The following VAV3 variants were observed in gnomAD, a reference collection of about 807,000 sequenced individuals.
VAV3 encodes the protein guanine nucleotide exchange factor VAV3.
VAV3 carries 94 observed loss-of-function variants against 131.2 expected under a neutral mutation model. That is an observed-to-expected ratio of 0.72 (90% CI 0.61 to 0.85). The LOEUF is 0.85. VAV3 is among the 40% of genes least tolerant of loss of function. The probability of loss-of-function intolerance (pLI) is 0.00; values close to 1 mark genes in which losing one functional copy is unlikely to be tolerated. For missense variants in VAV3, 939 were observed against 1,002.7 expected (o/e 0.94, Z 0.86); for synonymous variants, 349 against 342.0 (o/e 1.02, Z -0.22).
intron 15 of VAV3, among the ~76,000 whole-genome samples, chr1:107,728,177 CT>C: frequency 6.6e-6 from 1 of 152,298 alleles, no homozygotes; most frequent in South Asian, 2.1e-4. Flanking sequence ...CCCAAATCCA[CT>C]GGCTCCTGGA....
At chr1:107,841,377 T>TA (rs970470584) in intron 2 of VAV3, among the ~76,000 whole-genome samples, 1 of 152,036 alleles carries the variant, frequency 6.6e-6, no homozygotes, top group Non-Finnish European at 1.5e-5. Flanking sequence ...TAAAGCAATA[T>TA]AAAGGGCACA....
chr1:107,954,777 A>T (rs1324701390), intron 1 of VAV3, among the ~76,000 whole-genome samples: 1 of 139,412 alleles, frequency 7.2e-6, no homozygotes, highest in Non-Finnish European at 1.5e-5. Context: ...GAGGGGGGGA[A>T]ATTCATTGCA....
chr1:107,798,718 CAAAAAA>C (rs57288177), intron 2 of VAV3, among the ~76,000 whole-genome samples: 7 of 49,534 alleles, frequency 1.4e-4, no homozygotes, highest in Non-Finnish European at 2.1e-4. Context: ...GACTCCCTCT[CAAAAAA>C]AAAAAAAAAA....
chr1:107,799,553 A>G (rs2102297680), intron 2 of VAV3, among the ~76,000 whole-genome samples: 1 of 152,316 alleles, frequency 6.6e-6, no homozygotes, highest in East Asian at 1.9e-4. Flanking sequence ...TTTTTCCTTG[A>G]AAAATTTTTA....
intron 18 of VAV3, among the ~76,000 whole-genome samples, chr1:107,686,319 T>A (rs952797447): frequency 4.6e-5 from 7 of 151,674 alleles, no homozygotes; most frequent in African/African-American, 9.7e-5. Flanking sequence ...GTGCAAAATT[T>A]AAAAAAAATT....
chr1:107,875,087 C>G, intron 1 of VAV3, 70 bp from the exon 2 acceptor site: 1 of 1,260,816 alleles, frequency 7.9e-7, no homozygotes, highest in Non-Finnish European at 1.1e-6. Context: ...CTGTAACACT[C>G]AAGACTGCTC....
At chr1:107,952,468 T>TTTATATATATATATATACATATA (rs1553235441) in intron 1 of VAV3, among the ~76,000 whole-genome samples, 4 of 118,998 alleles carry the variant, frequency 3.4e-5, no homozygotes, top group South Asian at 5.4e-4. Flanking sequence ...TAACAAAACT[T>TTTATATATATATATATACATATA]TATATATATA....
chr1:107,658,693 T>TG (rs1048509209), intron 19 of VAV3, among the ~76,000 whole-genome samples: 48 of 152,326 alleles, frequency 3.2e-4, no homozygotes, highest in African/African-American at 1.1e-3. Context: ...ATTTCTCTGA[T>TG]GGCCAGTGAT....
At chr1:107,889,177 C>CCATGT (rs1671196715) in intron 1 of VAV3, among the ~76,000 whole-genome samples, 1 of 103,294 alleles carries the variant, frequency 9.7e-6, no homozygotes, top group Non-Finnish European at 2.1e-5. Context: ...GTGTCACTTG[C>CCATGT]CATGTAGCAG....
chr1:107,718,973 A>T (rs557082236), intron 15 of VAV3, among the ~76,000 whole-genome samples: 1 of 152,388 alleles, frequency 6.6e-6, no homozygotes, highest in South Asian at 2.1e-4. Context: ...TCCCTATTCA[A>T]TAAATGGTGC....
intron 1 of VAV3, among the ~76,000 whole-genome samples, chr1:107,957,099 C>T (rs1160102231): frequency 3.3e-5 from 5 of 152,030 alleles, no homozygotes; most frequent in African/African-American, 1.2e-4. Flanking sequence ...GTAATAACTT[C>T]CAACTCAGAG....
rs574475707 is a variant in VAV3, at chr1:107,908,980, A to G, written c.205-33963T>C. On this transcript the variant is annotated intron_variant, in intron 1 of 26. Transcript: ENST00000370056. ...AGTACAACAACTGCTATTCATATTA[A>G]TTATTCCATTAAATTATATACTTTA... is the stretch of plus-strand genomic sequence containing the variant. Among the ~76,000 whole-genome samples the G allele has an allele frequency of 3.3e-5, 5 of 152,256 alleles. No individual in the cohort carries two copies. The South Asian group carries it at 1.0e-3, about 32-fold the overall frequency.
At chr1:107,727,679 T>C (rs142439664) in intron 15 of VAV3, among the ~76,000 whole-genome samples, 1,682 of 152,336 alleles carry the variant, frequency 0.011, 20 homozygotes, top group South Asian at 0.019. Flanking sequence ...AGCCATATTT[T>C]AAATTAAATA....
Position 107,765,088 on chromosome 1 carries a change from T to A in VAV3, c.909A>T (p.Lys303Asn). 6.2e-7 allele frequency: 1 copy of A among 1,612,572 alleles called. No individual in the cohort carries two copies. The highest frequency in any genetic ancestry group is 1.1e-5 in the South Asian group (1 of 90,976). The change falls in exon 9 of 27, where the codon AAA (lysine) becomes AAT (asparagine). Residue 303 changes from lysine (K) to asparagine (N), a missense_variant. Coordinates refer to ENST00000370056, the MANE Select transcript of VAV3 (RefSeq NM_006113.5). The part of the protein sequence containing the change: ...DYISKTKEDV[K>N]LKLEECSKRA... ...AATAAATAGGCACCTCTAATTTCAG[T>A]TTGACATCTTCTTTTGTCTTAGAAA...
intron 15 of VAV3, among the ~76,000 whole-genome samples, chr1:107,736,104 A>T (rs1662611429): frequency 1.3e-5 from 2 of 152,200 alleles, no homozygotes; most frequent in South Asian, 4.1e-4. Context: ...CAAAGACAAA[A>T]ATCACATGAT....
At chr1:107,661,902 C>A (rs1480953411) in intron 19 of VAV3, among the ~76,000 whole-genome samples, 4 of 152,114 alleles carry the variant, frequency 2.6e-5, no homozygotes, top group African/African-American at 9.7e-5. Flanking sequence ...ATTTCCCTAC[C>A]TACCACGGAA....
chr1:107,834,752 G>A lies in VAV3; in HGVS notation c.321+40149C>T, dbSNP rs564761162. Among the ~76,000 whole-genome samples the A allele has an allele frequency of 1.2e-4, 19 of 152,126 alleles. No individual in the cohort carries two copies. In the South Asian group the frequency reaches 2.3e-3, roughly 18 times the overall value. On this transcript the variant is annotated intron_variant, in intron 2 of 26. Coordinates refer to ENST00000370056, the MANE Select transcript of VAV3 (RefSeq NM_006113.5). The stretch of plus-strand genomic sequence containing the variant: ...CAATAGAGAGGCAATGCAAACACCA[G>A]GGCTGATGAGGAAGGAAGCTGGGAA...
intron 25 of VAV3, among the ~76,000 whole-genome samples, chr1:107,588,386 A>G (rs2101039149): frequency 6.6e-6 from 1 of 152,362 alleles, no homozygotes; most frequent in South Asian, 2.1e-4. Context: ...GTATCAGGGA[A>G]AAGGAGAAGG....
intron 1 of VAV3, among the ~76,000 whole-genome samples, chr1:107,944,617 T>G (rs1050646405): frequency 6.6e-6 from 1 of 152,178 alleles, no homozygotes; most frequent in Admixed American, 6.5e-5. Flanking sequence ...TTTGTTTGTT[T>G]GTTATGAGAC....
Sources: gnomAD v4.1 joint callset for allele counts (sites outside exome capture counted in the v4.1 genomes callset) on GRCh38, gnomAD v4.1.1 for gene constraint, MANE v1.5 for transcripts, NCBI Gene and HGNC (gene_info 2026-07-23, HGNC 2026-07-21) for gene names.